The following SPATS2L variants were observed in gnomAD, a reference collection of about 807,000 sequenced individuals.
The protein encoded by SPATS2L is SPATS2-like protein.
Under a neutral mutation model 59.6 loss-of-function variants are expected in SPATS2L, and 30 were observed. That is an observed-to-expected ratio of 0.50 (90% confidence interval 0.38 to 0.68). The LOEUF (loss-of-function observed/expected upper bound fraction) is 0.68, where lower values mean the gene tolerates loss of function less well. SPATS2L is among the 30% of genes least tolerant of loss of function. The probability of loss-of-function intolerance (pLI) is 0.00; values close to 1 mark genes in which losing one functional copy is unlikely to be tolerated. For synonymous variants in SPATS2L, 252 were observed against 263.5 expected (o/e 0.96, Z 0.42); for missense variants, 615 against 700.0 (o/e 0.88, Z 1.37).
intron 5 of SPATS2L, among the ~76,000 whole-genome samples, chr2:200,417,934 T>A (rs1466877523): frequency 6.6e-6 from 1 of 152,154 alleles, no homozygotes; most frequent in South Asian, 2.1e-4. Context: ...TACTGCTTGT[T>A]GAGTACACTG....
intron 2 of SPATS2L, among the ~76,000 whole-genome samples, chr2:200,349,675 AAT>A (rs1265518218): frequency 8.5e-5 from 13 of 152,290 alleles, no homozygotes; most frequent in African/African-American, 3.1e-4. Context: ...GCAAGAGTGA[AAT>A]CCAAGGTTCT....
intron 8 of SPATS2L, among the ~76,000 whole-genome samples, chr2:200,458,686 A>G (rs1158993873): frequency 1.3e-5 from 2 of 152,080 alleles, no homozygotes; most frequent in Non-Finnish European, 2.9e-5. Context: ...TCAATCAACC[A>G]ATTGGAATGA....
At chr2:200,316,177 G>C (rs1321349221) in intron 1 of SPATS2L, among the ~76,000 whole-genome samples, 3 of 152,172 alleles carry the variant, frequency 2.0e-5, no homozygotes, top group Non-Finnish European at 2.9e-5. Context: ...ACTATAAAGA[G>C]AACAGTCCAG....
chr2:200,439,207 A>T lies in SPATS2L; in HGVS notation c.531A>T (p.Leu177=). ...GAACAACAGAGAGGTCAGATGGCCT[A>T]CAGTGGTCAGCTGAGCAGCCTTGTA... The part of the protein sequence containing the change: ...IHGTTERSDG[L]QWSAEQPCNP... The change falls in exon 7 of 13, where the codon CTA becomes CTT. Residue 177 remains leucine, a synonymous_variant. Coordinates refer to ENST00000409140, the MANE Select transcript of SPATS2L (RefSeq NM_001100423.2). The T allele has an allele frequency of 3.1e-6, 5 of 1,613,688 alleles. No individual in the cohort carries two copies. The highest frequency in any genetic ancestry group is 4.2e-6 in the Non-Finnish European group (5 of 1,179,662).
Position 200,477,802 on chromosome 2 carries a change from A to G in SPATS2L, c.1448A>G (p.Asn483Ser). The change falls in exon 13 of 13, where the codon AAC becomes AGC. Residue 483 changes from asparagine (N) to serine (S), a missense_variant. By Grantham distance (46) the Asn-to-Ser change is conservative (BLOSUM62 1). Coordinates refer to ENST00000409140, the MANE Select transcript of SPATS2L (RefSeq NM_001100423.2). Reference protein sequence around the residue: ...RQPHNGFRPKNKGGAKNQEAS... With the variant: ...RQPHNGFRPKSKGGAKNQEAS... Reference sequence around the variant, plus strand: ...CCGCACAACGGCTTCCGGCCCAAAAACAAAGGCGGTGCCAAAAATCAAGAG... The same window carrying G: ...CCGCACAACGGCTTCCGGCCCAAAAGCAAAGGCGGTGCCAAAAATCAAGAG... 1 of 1,575,186 alleles carries G rather than the reference A, an allele frequency of 6.3e-7. No homozygotes were observed. The highest frequency in any genetic ancestry group is 1.2e-5 in the South Asian group (1 of 86,188).
chr2:200,320,949 A>G (rs1156747658), intron 1 of SPATS2L, among the ~76,000 whole-genome samples: 1 of 152,228 alleles, frequency 6.6e-6, no homozygotes, highest in Non-Finnish European at 1.5e-5. Flanking sequence ...TAAAAATACT[A>G]GTATTTGTGT....
chr2:200,405,527 A>G (rs1484428937), intron 3 of SPATS2L, among the ~76,000 whole-genome samples: 3 of 152,210 alleles, frequency 2.0e-5, no homozygotes, highest in African/African-American at 7.2e-5. Flanking sequence ...GGAATTATCC[A>G]TGATGTGAAG....
intron 2 of SPATS2L, among the ~76,000 whole-genome samples, chr2:200,381,275 G>A (rs1574329419): frequency 6.8e-6 from 1 of 147,718 alleles, no homozygotes; most frequent in South Asian, 2.1e-4. Context: ...GCCTACTACT[G>A]TACATCATTG....
chr2:200,322,935 A>G lies in SPATS2L; in HGVS notation c.-72-6496A>G, dbSNP rs3769474. On this transcript the variant is annotated intron_variant, in intron 1 of 12. Coordinates refer to ENST00000409140, the MANE Select transcript of SPATS2L (RefSeq NM_001100423.2). ...TTGGTTTTTGAGATCTCGAATTTTT[A>G]TAGCCTTTGAGCTTGCTCATTTTTG... 5.2e-3 allele frequency among the ~76,000 whole-genome samples: 788 copies of G among 152,328 alleles called. 3 individuals carry two copies. The highest frequency in any genetic ancestry group is 0.018 in the East Asian group (94 of 5,190).
chr2:200,376,862 A>G (rs772880640), intron 2 of SPATS2L, among the ~76,000 whole-genome samples: 1 of 152,142 alleles, frequency 6.6e-6, no homozygotes, highest in Admixed American at 6.5e-5. Context: ...CACCTCTCCC[A>G]TCAGGTGACA....
intron 1 of SPATS2L, among the ~76,000 whole-genome samples, chr2:200,307,591 C>T (rs1027439248): frequency 3.9e-5 from 6 of 152,176 alleles, no homozygotes; most frequent in African/African-American, 1.4e-4. Context: ...ACCCCGGAGT[C>T]CGCGGGCTGC....
At chr2:200,340,308 G>C (rs2080281133) in intron 2 of SPATS2L, among the ~76,000 whole-genome samples, 1 of 152,168 alleles carries the variant, frequency 6.6e-6, no homozygotes, top group South Asian at 2.1e-4. Context: ...CTGGCCACCA[G>C]CAGTTTTTTC....
intron 8 of SPATS2L, among the ~76,000 whole-genome samples, chr2:200,455,494 T>G (rs2085771870): frequency 6.6e-6 from 1 of 152,210 alleles, no homozygotes; most frequent in Non-Finnish European, 1.5e-5. Flanking sequence ...GCACTGGCAC[T>G]CTACCTAATG....
At chr2:200,384,995 G>A (rs1261313313) in intron 2 of SPATS2L, among the ~76,000 whole-genome samples, 4 of 152,284 alleles carry the variant, frequency 2.6e-5, no homozygotes, top group Admixed American at 1.3e-4. Flanking sequence ...TAGTTAGCCC[G>A]CAGTAATTGG....
At chr2:200,391,313 C>T (rs543827572) in intron 3 of SPATS2L, among the ~76,000 whole-genome samples, 1 of 152,278 alleles carries the variant, frequency 6.6e-6, no homozygotes, top group South Asian at 2.1e-4. Flanking sequence ...AGTTGAAGAA[C>T]CTTGTTACTA....
upstream of SPATS2L, chr2:200,306,339 T>C (rs1160144410): frequency 9.0e-6 from 9 of 1,002,084 alleles, no homozygotes; most frequent in Non-Finnish European, 1.1e-5. Context: ...TGTGACAAAA[T>C]CTTTCATTAA....
chr2:200,336,102 G>A (rs1323454570), intron 2 of SPATS2L, among the ~76,000 whole-genome samples: 1 of 152,172 alleles, frequency 6.6e-6, no homozygotes, highest in Non-Finnish European at 1.5e-5. Flanking sequence ...CTCATAAGTT[G>A]AAGACAATTT....
chr2:200,457,161 T>C (rs550354156), intron 8 of SPATS2L, among the ~76,000 whole-genome samples: 5 of 152,192 alleles, frequency 3.3e-5, no homozygotes, highest in African/African-American at 1.2e-4. Context: ...ACAGTCTTTG[T>C]TTCCCTAAAG....
intron 12 of SPATS2L, among the ~76,000 whole-genome samples, chr2:200,477,152 A>G (rs2087592383): frequency 1.3e-5 from 2 of 152,118 alleles, no homozygotes; most frequent in African/African-American, 4.8e-5. Flanking sequence ...GAGCAGGAAA[A>G]CAGGAATGTA....
Sources: gnomAD v4.1 joint callset for allele counts (sites outside exome capture counted in the v4.1 genomes callset) on GRCh38, gnomAD v4.1.1 for gene constraint, MANE v1.5 for transcripts, NCBI Gene and HGNC (gene_info 2026-07-23, HGNC 2026-07-21) for gene names.